The following ZBTB20 variants were observed in gnomAD, a reference collection of about 807,000 sequenced individuals.
ZBTB20 encodes zinc finger and BTB domain-containing protein 20.
Under a neutral mutation model 56.9 loss-of-function variants are expected in ZBTB20, and 9 were observed. The observed-to-expected ratio is 0.16, with a 90% confidence interval of 0.10 to 0.28. The LOEUF is 0.28. Ranked by LOEUF, ZBTB20 falls within the 10% of genes least tolerant of loss-of-function variation. ZBTB20 has a pLI of 1.00. For synonymous variants in ZBTB20, 417 were observed against 420.7 expected (o/e 0.99, Z 0.11); for missense variants, 655 against 1,003.0 (o/e 0.65, Z 4.69).
intron 5 of ZBTB20, among the ~76,000 whole-genome samples, chr3:114,795,808 A>T (rs568082166): frequency 6.6e-6 from 1 of 152,208 alleles, no homozygotes; most frequent in South Asian, 2.1e-4. Flanking sequence ...CTAAGGGATC[A>T]TTTCTATATT....
chr3:114,921,076 T>C (rs895781429), intron 3 of ZBTB20, among the ~76,000 whole-genome samples: 9 of 152,248 alleles, frequency 5.9e-5, no homozygotes, highest in Non-Finnish European at 1.3e-4. Flanking sequence ...AGTAAGGAGA[T>C]TGAATCAGTA....
At chr3:115,030,648 GACTT>G (rs762955302) in intron 2 of ZBTB20, among the ~76,000 whole-genome samples, 1 of 151,074 alleles carries the variant, frequency 6.6e-6, no homozygotes, top group South Asian at 2.1e-4. Context: ...AGAAAAAAAA[GACTT>G]AACGTCATGA....
At chr3:114,419,658 C>T (rs1040010044) in intron 7 of ZBTB20, among the ~76,000 whole-genome samples, 2 of 152,030 alleles carry the variant, frequency 1.3e-5, no homozygotes, top group Admixed American at 6.6e-5. Context: ...AGACTTTAAT[C>T]ACTAAGTTTT....
At chr3:114,503,782 A>T (rs977956209) in intron 6 of ZBTB20, among the ~76,000 whole-genome samples, 2 of 152,168 alleles carry the variant, frequency 1.3e-5, no homozygotes, top group African/African-American at 4.8e-5. Flanking sequence ...ATAATGTCTG[A>T]GTGGAAATTA....
chr3:114,590,938 C>T (rs1187725114), intron 6 of ZBTB20, among the ~76,000 whole-genome samples: 1 of 152,154 alleles, frequency 6.6e-6, no homozygotes, highest in African/African-American at 2.4e-5. Context: ...CTATTAATAA[C>T]CTATCTCATT....
intron 1 of ZBTB20, among the ~76,000 whole-genome samples, chr3:115,092,777 A>G (rs1263900214): frequency 6.6e-6 from 1 of 152,112 alleles, no homozygotes; most frequent in Non-Finnish European, 1.5e-5. Context: ...ACAAATGACT[A>G]TTTTTGGTTT....
At chr3:115,057,654 T>C (rs1162042981) in intron 2 of ZBTB20, among the ~76,000 whole-genome samples, 3 of 152,214 alleles carry the variant, frequency 2.0e-5, no homozygotes, top group Non-Finnish European at 2.9e-5. Flanking sequence ...CTTTGTGTTA[T>C]TACAAATTTC....
chr3:114,948,598 TCTC>T (rs1183023269), intron 3 of ZBTB20, among the ~76,000 whole-genome samples: 3 of 145,684 alleles, frequency 2.1e-5, no homozygotes, highest in Non-Finnish European at 4.4e-5. Context: ...AATCTCTCTC[TCTC>T]CTCTCTCTTT....
chr3:114,752,883 T>C (rs1362022207), intron 5 of ZBTB20, among the ~76,000 whole-genome samples: 2 of 152,124 alleles, frequency 1.3e-5, no homozygotes, highest in African/African-American at 4.8e-5. Flanking sequence ...TCTAAGCATC[T>C]TGAGTGCCTA....
chr3:114,803,928 T>G (rs1201652535), intron 4 of ZBTB20, among the ~76,000 whole-genome samples: 1 of 151,858 alleles, frequency 6.6e-6, no homozygotes, highest in Non-Finnish European at 1.5e-5. Context: ...CATAGATCAA[T>G]CTCAGTCATT....
intron 7 of ZBTB20, among the ~76,000 whole-genome samples, chr3:114,395,404 G>A (rs1200167135): frequency 6.6e-6 from 1 of 152,116 alleles, no homozygotes; most frequent in East Asian, 1.9e-4. Context: ...GCAAAAAGAG[G>A]AGGTTGGTTT....
chr3:115,014,118 T>C (rs934418365), intron 2 of ZBTB20, among the ~76,000 whole-genome samples: 23 of 151,596 alleles, frequency 1.5e-4, no homozygotes, highest in African/African-American at 5.6e-4. Flanking sequence ...AAAACAACAT[T>C]GATAAACTGG....
chr3:115,102,006 T>C (rs2083599645), intron 1 of ZBTB20, among the ~76,000 whole-genome samples: 1 of 152,250 alleles, frequency 6.6e-6, no homozygotes, highest in Non-Finnish European at 1.5e-5. Flanking sequence ...TTTTGGGTCA[T>C]GTTTAGAATA....
chr3:114,987,836 T>C (rs971414375), intron 2 of ZBTB20, among the ~76,000 whole-genome samples: 1 of 152,120 alleles, frequency 6.6e-6, no homozygotes, highest in Non-Finnish European at 1.5e-5. Context: ...CCTGTTTAGC[T>C]ACATGTAGAA....
intron 6 of ZBTB20, among the ~76,000 whole-genome samples, chr3:114,645,905 G>A (rs1173113361): frequency 1.3e-5 from 2 of 151,808 alleles, no homozygotes. Context: ...TTGCTTCGAG[G>A]AACAGAGGGA....
At chr3:114,928,137 A>T (rs2076223337) in intron 3 of ZBTB20, among the ~76,000 whole-genome samples, 1 of 152,214 alleles carries the variant, frequency 6.6e-6, no homozygotes, top group Non-Finnish European at 1.5e-5. Flanking sequence ...AAAATTCTAT[A>T]ACTACATAAC....
At chr3:114,490,106 G>T (rs1482602278) in intron 7 of ZBTB20, among the ~76,000 whole-genome samples, 2 of 142,694 alleles carry the variant, frequency 1.4e-5, no homozygotes, top group Non-Finnish European at 3.1e-5. Flanking sequence ...ATTAGGGATG[G>T]AGGATTATTT....
intron 3 of ZBTB20, among the ~76,000 whole-genome samples, chr3:114,956,102 T>G (rs1276775318): frequency 2.0e-5 from 3 of 152,284 alleles, no homozygotes; most frequent in Non-Finnish European, 4.4e-5. Context: ...CATGCTATAT[T>G]GACAAAAGTA....
intron 2 of ZBTB20, among the ~76,000 whole-genome samples, chr3:114,994,611 T>TA (rs750233251): frequency 2.0e-5 from 3 of 152,010 alleles, no homozygotes; most frequent in Non-Finnish European, 4.4e-5. Context: ...AAATTATTTT[T>TA]ACTTCATTCT....
Sources: gnomAD v4.1 joint callset for allele counts (sites outside exome capture counted in the v4.1 genomes callset) on GRCh38, gnomAD v4.1.1 for gene constraint, MANE v1.5 for transcripts, NCBI Gene and HGNC (gene_info 2026-07-23, HGNC 2026-07-21) for gene names.